PRICKLE1: variants seen among roughly 807,000 people sequenced by gnomAD.
The protein encoded by PRICKLE1 is prickle-like protein 1.
In PRICKLE1, 14 loss-of-function variants were observed where a neutral mutation model predicts 70.2. The observed-to-expected ratio is 0.20, with a 90% confidence interval of 0.13 to 0.31. The LOEUF (loss-of-function observed/expected upper bound fraction) is 0.31. Ranked by LOEUF, PRICKLE1 falls within the 10% of genes least tolerant of loss-of-function variation. The probability of loss-of-function intolerance (pLI) is 1.00; values close to 1 mark genes in which losing one functional copy is unlikely to be tolerated. For synonymous variants in PRICKLE1, 357 were observed against 379.9 expected (o/e 0.94, Z 0.70); for missense variants, 821 against 1,026.2 (o/e 0.80, Z 2.73).
chr12:42,520,253 C>G (rs1001115500), intron 1 of PRICKLE1, among the ~76,000 whole-genome samples: 4 of 152,178 alleles, frequency 2.6e-5, no homozygotes, highest in Admixed American at 2.0e-4. Context: ...CCCTAATACA[C>G]ACTGCGACTA....
intron 1 of PRICKLE1, among the ~76,000 whole-genome samples, 181 bp from the exon 2 acceptor site, chr12:42,472,745 T>A (rs1171624401): frequency 6.6e-6 from 1 of 152,126 alleles, no homozygotes; most frequent in African/African-American, 2.4e-5. Context: ...TAGAGCTATA[T>A]AATTTGGTAG....
At chr12:42,559,970 C>G (rs1358902910) in intron 1 of PRICKLE1, among the ~76,000 whole-genome samples, 1 of 151,866 alleles carries the variant, frequency 6.6e-6, no homozygotes, top group Non-Finnish European at 1.5e-5. Flanking sequence ...GTTCCCTAAA[C>G]ATTATTTCAC....
chr12:42,514,092 C>G (rs1798612444), intron 1 of PRICKLE1, among the ~76,000 whole-genome samples: 1 of 152,034 alleles, frequency 6.6e-6, no homozygotes, highest in Non-Finnish European at 1.5e-5. Flanking sequence ...ATGCAATAGC[C>G]CCAAGACTAT....
At chr12:42,485,862 C>T (rs1294788996) in intron 1 of PRICKLE1, among the ~76,000 whole-genome samples, 1 of 152,168 alleles carries the variant, frequency 6.6e-6, no homozygotes, top group Non-Finnish European at 1.5e-5. Context: ...TCAACAGGTA[C>T]TGTCATGGTT....
Position 42,459,600 on chromosome 12 carries a change from C to T in PRICKLE1, c.*209G>A, listed in dbSNP as rs192612214. The T allele has an allele frequency of 1.5e-5, 10 of 667,788 alleles. No individual in the cohort carries two copies. Among genetic ancestry groups the T allele is most frequent in the South Asian group, 5.5e-5 (3 of 54,242 alleles). 41.4% of individuals were successfully genotyped at this position (667,788 alleles called of 1,614,324 possible). On this transcript the variant is annotated 3_prime_UTR_variant, in exon 8 of 8. Transcript: ENST00000345127. ...CGCACCGGACAGGCACGAGATGTCACGTCCACCTGGCACCATCCAAAGAGG... is the reference window on the plus strand; with the variant it reads ...CGCACCGGACAGGCACGAGATGTCATGTCCACCTGGCACCATCCAAAGAGG...
intron 1 of PRICKLE1, among the ~76,000 whole-genome samples, chr12:42,546,978 G>T (rs1940226478): frequency 6.6e-6 from 1 of 152,108 alleles, no homozygotes. Flanking sequence ...CTTATTACTT[G>T]TTAACAGTTC....
chr12:42,481,373 A>G (rs1938786821), intron 1 of PRICKLE1, among the ~76,000 whole-genome samples: 1 of 152,208 alleles, frequency 6.6e-6, no homozygotes, highest in East Asian at 1.9e-4. Flanking sequence ...TCTAGTTCCT[A>G]TATGAAGACT....
At chr12:42,493,557 G>A (rs7301146) in intron 1 of PRICKLE1, among the ~76,000 whole-genome samples, 19,919 of 151,946 alleles carry the variant, frequency 0.13, 1,649 homozygotes, top group South Asian at 0.21. Context: ...ATTGTCCTTC[G>A]TCTTCTATTC....
chr12:42,478,776 C>G (rs1294243366), intron 1 of PRICKLE1, among the ~76,000 whole-genome samples: 1 of 150,792 alleles, frequency 6.6e-6, no homozygotes, highest in Non-Finnish European at 1.5e-5. Flanking sequence ...CTATTCCATG[C>G]AATAGAAAAT....
intron 1 of PRICKLE1, among the ~76,000 whole-genome samples, chr12:42,576,972 G>A (rs1294679231): frequency 6.6e-6 from 1 of 152,208 alleles, no homozygotes; most frequent in Non-Finnish European, 1.5e-5. Context: ...TATCTGGGGA[G>A]TTTGGAAGAT....
intron 1 of PRICKLE1, among the ~76,000 whole-genome samples, chr12:42,495,844 C>T (rs556268222): frequency 1.1e-4 from 16 of 152,310 alleles, no homozygotes; most frequent in African/African-American, 3.4e-4. Flanking sequence ...CTGCCCACCT[C>T]GGCCTCCGAA....
Position 42,460,330 on chromosome 12 carries a change from G to A in PRICKLE1, c.1975C>T (p.Arg659Cys), listed in dbSNP as rs376257338. ...CCCCTCTCTTCAAAATTGTAGACGC[G>A]TCTCCGAGTCCTTTCACTCATCGGA... ...QPPMSERTRRRVYNFEERGSR... is the reference protein window; with the variant it reads ...QPPMSERTRRCVYNFEERGSR... Residue 659 changes from arginine (R) to cysteine (C), a missense_variant, in exon 8 of 8, where the codon CGC becomes TGC. Transcript: ENST00000345127. 1.9e-6 allele frequency: 3 copies of A among 1,614,040 alleles called. No homozygotes were observed. The highest frequency in any genetic ancestry group is 1.7e-5 in the Admixed American group (1 of 60,000).
intron 1 of PRICKLE1, chr12:42,483,416 C>G (rs970932878): frequency 6.6e-6 from 1 of 151,934 alleles, no homozygotes; most frequent in Non-Finnish European, 1.5e-5. Context: ...TGCAGCCCCT[C>G]GCGGCGCCGG....
At chr12:42,531,336 G>A (rs377333237) in intron 1 of PRICKLE1, among the ~76,000 whole-genome samples, 1 of 152,254 alleles carries the variant, frequency 6.6e-6, no homozygotes, top group East Asian at 1.9e-4. Context: ...GTGAGCCACC[G>A]CGCCTGGCCA....
Position 42,460,016 on chromosome 12 carries a change from A to C in PRICKLE1, c.2289T>G (p.Cys763Trp). ...AGTCGGAAGAGGAGGAGGAGGAAGA[A>C]CACCAGGAATCATCATCCTCGCCGT... is the stretch of plus-strand genomic sequence containing the variant. The part of the protein sequence containing the change: ...GLYGEDDDSW[C>W]SSSSSSSDSE... The change falls in exon 8 of 8, where the codon TGT becomes TGG. Residue 763 changes from cysteine to tryptophan, a missense_variant. Transcript: ENST00000345127. 1 of 1,614,086 alleles carries C rather than the reference A, an allele frequency of 6.2e-7. No homozygotes were observed. The highest frequency in any genetic ancestry group is 8.5e-7 in the Non-Finnish European group (1 of 1,180,018).
intron 1 of PRICKLE1, among the ~76,000 whole-genome samples, chr12:42,542,350 T>C (rs915478589): frequency 1.3e-5 from 2 of 152,100 alleles, no homozygotes; most frequent in African/African-American, 4.8e-5. Context: ...TCTCAATTTG[T>C]TTTAAAAATT....
intron 1 of PRICKLE1, among the ~76,000 whole-genome samples, chr12:42,478,933 C>T (rs1038864944): frequency 6.6e-6 from 1 of 151,866 alleles, no homozygotes; most frequent in Admixed American, 6.6e-5. Context: ...ACATCTGACC[C>T]AAAGGATAAG....
chr12:42,499,753 A>C (rs1438631415), intron 1 of PRICKLE1, among the ~76,000 whole-genome samples: 1 of 150,246 alleles, frequency 6.7e-6, no homozygotes, highest in Non-Finnish European at 1.5e-5. Flanking sequence ...TTTGAGACAG[A>C]GTCTTGCTCT....
At chr12:42,567,812 A>G (rs2120737135) in intron 1 of PRICKLE1, among the ~76,000 whole-genome samples, 1 of 151,970 alleles carries the variant, frequency 6.6e-6, no homozygotes, top group East Asian at 1.9e-4. Flanking sequence ...AAAAAAAAAA[A>G]AAAGAGGTAT....
Sources: allele counts gnomAD v4.1 joint callset (sites outside exome capture counted in the v4.1 genomes callset), GRCh38; gene constraint gnomAD v4.1.1; transcripts MANE v1.5; gene names NCBI Gene and HGNC (gene_info 2026-07-23, HGNC 2026-07-21).